Variants in PIK3C2G observed in about 807,000 individuals in gnomAD.
The protein encoded by PIK3C2G is phosphatidylinositol 3-kinase C2 domain-containing subunit gamma.
PIK3C2G carries 168 observed loss-of-function variants against 181.1 expected under a neutral mutation model. The ratio of observed to expected loss-of-function variants is 0.93; its 90% CI spans 0.82 to 1.05. The LOEUF (loss-of-function observed/expected upper bound fraction) is 1.05, where lower values mean the gene tolerates loss of function less well. Ranked by LOEUF, PIK3C2G falls within the 50% of genes least tolerant of loss-of-function variation. The pLI is 0.00. For missense variants in PIK3C2G, 1,869 were observed against 1,732.8 expected, an observed-to-expected ratio of 1.08 and a Z score of -1.40; for synonymous variants, 573 against 592.2, an observed-to-expected ratio of 0.97 and a Z score of 0.47.
chr12:18,700,900 A>T, the PIK3C2G span, among the ~76,000 whole-genome samples: 2 of 152,084 alleles, frequency 1.3e-5, no homozygotes, highest in African/African-American at 4.8e-5. Context: ...GGGACCAGGG[A>T]AATTACGTTG....
intron 5 of PIK3C2G, among the ~76,000 whole-genome samples, chr12:18,296,367 G>A (rs1051630273): frequency 2.0e-5 from 3 of 152,086 alleles, no homozygotes; most frequent in African/African-American, 7.2e-5. Context: ...GCCTGAGGCT[G>A]TCCATTTCTA....
chr12:18,559,191 A>G (rs2136317842), intron 26 of PIK3C2G, among the ~76,000 whole-genome samples: 1 of 152,344 alleles, frequency 6.6e-6, no homozygotes, highest in African/African-American at 2.4e-5. Context: ...TGTTGCTTGA[A>G]TTATATATGC....
intron 24 of PIK3C2G, among the ~76,000 whole-genome samples, chr12:18,508,981 G>T (rs1359431878): frequency 6.6e-6 from 1 of 152,068 alleles, no homozygotes; most frequent in Non-Finnish European, 1.5e-5. Context: ...TAAAAACATG[G>T]AAGGGAAAAG....
chr12:18,385,922 G>C (rs1330495261), intron 14 of PIK3C2G, among the ~76,000 whole-genome samples: 1 of 152,064 alleles, frequency 6.6e-6, no homozygotes, highest in African/African-American at 2.4e-5. Flanking sequence ...CTGTGGTTAG[G>C]TACCTGCTAG....
chr12:18,437,126 T>C (rs1946492544), intron 18 of PIK3C2G, among the ~76,000 whole-genome samples: 1 of 151,978 alleles, frequency 6.6e-6, no homozygotes, highest in Non-Finnish European at 1.5e-5. Flanking sequence ...CTGTATTTTG[T>C]ATTAGTTAAT....
chr12:18,456,437 G>A (rs958866194), intron 18 of PIK3C2G, among the ~76,000 whole-genome samples: 2 of 152,114 alleles, frequency 1.3e-5, no homozygotes, highest in African/African-American at 4.8e-5. Flanking sequence ...CAGTTTCATG[G>A]TGAAATACAC....
At chr12:18,630,860 T>C (rs1292870865) in intron 31 of PIK3C2G, among the ~76,000 whole-genome samples, 1 of 152,106 alleles carries the variant, frequency 6.6e-6, no homozygotes, top group Non-Finnish European at 1.5e-5. Context: ...GGAAGTCCTC[T>C]AGATGACATA....
At chr12:18,632,364 A>T (rs1048056498) in intron 31 of PIK3C2G, among the ~76,000 whole-genome samples, 1 of 152,180 alleles carries the variant, frequency 6.6e-6, no homozygotes, top group Non-Finnish European at 1.5e-5. Flanking sequence ...GATAGGCATT[A>T]TTTTTATCCT....
At chr12:18,575,613 G>A (rs900696693) in intron 29 of PIK3C2G, among the ~76,000 whole-genome samples, 2 of 152,112 alleles carry the variant, frequency 1.3e-5, no homozygotes, top group Non-Finnish European at 2.9e-5. Context: ...GAGCACCTAA[G>A]GAGGTGTACT....
chr12:18,641,263 C>G (rs569640803), intron 32 of PIK3C2G, among the ~76,000 whole-genome samples: 49 of 152,302 alleles, frequency 3.2e-4, no homozygotes, highest in Non-Finnish European at 6.2e-4. Context: ...AATTAACCCA[C>G]ATGATCTGCT....
the PIK3C2G span, among the ~76,000 whole-genome samples, chr12:18,657,103 C>T: frequency 2.2e-4 from 33 of 152,214 alleles, no homozygotes; most frequent in Admixed American, 3.9e-4. Context: ...TTTATTTTAA[C>T]GAACTCAAAT....
the PIK3C2G span, among the ~76,000 whole-genome samples, chr12:18,696,446 G>C: frequency 1.3e-5 from 2 of 148,482 alleles, no homozygotes; most frequent in African/African-American, 5.0e-5. Context: ...ATGCCTTTAT[G>C]TTTATAGTAT....
chr12:18,295,976 A>T (rs1949923018), intron 5 of PIK3C2G, among the ~76,000 whole-genome samples: 1 of 152,136 alleles, frequency 6.6e-6, no homozygotes, highest in Non-Finnish European at 1.5e-5. Flanking sequence ...GTAGCATGTA[A>T]TAAGTTAACA....
intron 24 of PIK3C2G, among the ~76,000 whole-genome samples, chr12:18,511,092 T>C (rs1365937748): frequency 6.6e-6 from 1 of 152,134 alleles, no homozygotes; most frequent in African/African-American, 2.4e-5. Context: ...ATTTTTTCTG[T>C]GGTTGGCTTA....
At chr12:18,364,598 T>C (rs1482670708) in intron 12 of PIK3C2G, among the ~76,000 whole-genome samples, 1 of 152,142 alleles carries the variant, frequency 6.6e-6, no homozygotes, top group Non-Finnish European at 1.5e-5. Flanking sequence ...AAGTGACTCC[T>C]TTAAAAAGTT....
At chr12:18,278,786 T>C (rs569569383) in intron 1 of PIK3C2G, among the ~76,000 whole-genome samples, 8 of 152,256 alleles carry the variant, frequency 5.3e-5, no homozygotes, top group African/African-American at 1.9e-4. Context: ...TTTTTATTTG[T>C]TTATAAACTA....
intron 1 of PIK3C2G, among the ~76,000 whole-genome samples, chr12:18,274,856 T>G (rs1156294345): frequency 6.6e-6 from 1 of 152,196 alleles, no homozygotes; most frequent in African/African-American, 2.4e-5. Flanking sequence ...TTTATTAAAG[T>G]TGAACTACGT....
At chr12:18,352,666 T>C (rs904946460) in intron 11 of PIK3C2G, among the ~76,000 whole-genome samples, 1 of 152,140 alleles carries the variant, frequency 6.6e-6, no homozygotes, top group Admixed American at 6.5e-5. Flanking sequence ...CATGAACAAA[T>C]TGAAGATGGT....
the PIK3C2G span, among the ~76,000 whole-genome samples, chr12:18,679,686 G>A: frequency 6.6e-6 from 1 of 151,918 alleles, no homozygotes; most frequent in African/African-American, 2.4e-5. Context: ...CCTGGCTAAC[G>A]TTGCAGATAT....
Sources: gnomAD v4.1 joint callset for allele counts (sites outside exome capture counted in the v4.1 genomes callset) on GRCh38, gnomAD v4.1.1 for gene constraint, MANE v1.5 for transcripts, NCBI Gene and HGNC (gene_info 2026-07-23, HGNC 2026-07-21) for gene names.